The following PHLDB2 variants were observed in gnomAD, a reference collection of about 807,000 sequenced individuals.
PHLDB2 encodes pleckstrin homology-like domain family B member 2.
Under a neutral mutation model 123.6 loss-of-function variants are expected in PHLDB2, and 71 were observed. The observed-to-expected ratio is 0.57, with a 90% confidence interval of 0.47 to 0.70. The LOEUF (loss-of-function observed/expected upper bound fraction) is 0.70. Ranked by LOEUF, PHLDB2 falls within the 30% of genes least tolerant of loss-of-function variation. The pLI is 0.00. For synonymous variants in PHLDB2, 547 were observed against 541.6 expected, an observed-to-expected ratio of 1.01 and a Z score of -0.14; for missense variants, 1,446 against 1,519.5, an observed-to-expected ratio of 0.95 and a Z score of 0.80.
rs2066072875 is a variant in PHLDB2 at position 111,884,357 on chromosome 3, T to G, written c.280T>G (p.Phe94Val). ...AGCCAAAATCCAGGGAAGCAAGCAG[T>G]TCTCTTATGATGGAACTGACAAAAA... ...SLAKIQGSKQFSYDGTDKNIP... is the reference protein window; with the variant it reads ...SLAKIQGSKQVSYDGTDKNIP... The change falls in exon 2 of 18, where the codon TTC becomes GTC. Residue 94 changes from phenylalanine (F) to valine (V), a missense_variant. Physicochemically the swap from Phe to Val is conservative, Grantham distance 50 (BLOSUM62 -1). Transcript: ENST00000431670. The G allele has an allele frequency of 6.2e-7, 1 of 1,614,072 alleles. No homozygotes were observed. The highest frequency in any genetic ancestry group is 8.5e-7 in the Non-Finnish European group (1 of 1,180,006).
At chr3:111,734,700 G>T (rs1941626428) in intron 1 of PHLDB2, among the ~76,000 whole-genome samples, 1 of 152,116 alleles carries the variant, frequency 6.6e-6, no homozygotes, top group Admixed American at 6.5e-5. Context: ...TAATTAATTT[G>T]CCCAAAATCA....
At chr3:111,753,067 G>C (rs1328238586) in intron 1 of PHLDB2, among the ~76,000 whole-genome samples, 1 of 152,072 alleles carries the variant, frequency 6.6e-6, no homozygotes, top group Non-Finnish European at 1.5e-5. Flanking sequence ...ATTTGGGTTG[G>C]TTCCAAGTCT....
chr3:111,746,924 C>A (rs539593852), intron 1 of PHLDB2, among the ~76,000 whole-genome samples: 2 of 152,270 alleles, frequency 1.3e-5, no homozygotes, highest in South Asian at 4.1e-4. Context: ...CTTCTCATCA[C>A]CACCATATGA....
Position 111,960,825 on chromosome 3 carries a change from C to T in PHLDB2, c.2873-1283C>T, listed in dbSNP as rs543552707. ...TCTCTTATCAGGGAGAAAGAGATTA[C>T]AAACTCTAGTACTGGCTAGAGAAAA... On this transcript the variant is annotated intron_variant, in intron 12 of 17. Transcript: ENST00000431670. Among the ~76,000 whole-genome samples the T allele has an allele frequency of 2.9e-4, 44 of 152,296 alleles. No individual in the cohort carries two copies. The South Asian group carries it at 4.3e-3, about 15-fold the overall frequency.
Position 111,973,776 on chromosome 3 carries a change from A to G in PHLDB2, c.3580A>G (p.Ile1194Val), listed in dbSNP as rs1328830998. 9.4e-6 allele frequency: 15 copies of G among 1,603,748 alleles called. No homozygotes were observed. Among genetic ancestry groups the G allele is most frequent in the Non-Finnish European group, 1.3e-5 (15 of 1,173,034 alleles). The change falls in exon 17 of 18, where the codon ATT becomes GTT. Residue 1194 changes from isoleucine (I) to valine (V), a missense_variant. By Grantham distance (29) the Ile-to-Val change is conservative (BLOSUM62 3). This residue lies in a region of PHLDB2 where 594 missense variants were observed against 646.0 expected (regional missense o/e 0.92). Coordinates refer to ENST00000431670, the MANE Select transcript of PHLDB2 (RefSeq NM_001134438.2). ...GAAAGGAGTAATATACTTTCAAGCC[A>G]TTGAAGAAGTCTATTATGATCACCT... ...KLKGVIYFQA[I>V]EEVYYDHLKN...
At chr3:111,801,285 C>T (rs1402603294) in intron 1 of PHLDB2, among the ~76,000 whole-genome samples, 1 of 152,134 alleles carries the variant, frequency 6.6e-6, no homozygotes, top group Non-Finnish European at 1.5e-5. Flanking sequence ...TGAAATAACC[C>T]ACAGTCCTGG....
chr3:111,793,313 A>G (rs1396094746), intron 1 of PHLDB2, among the ~76,000 whole-genome samples: 1 of 152,012 alleles, frequency 6.6e-6, no homozygotes, highest in Non-Finnish European at 1.5e-5. Context: ...CATGGCCACC[A>G]CTGCCCCAGG....
intron 1 of PHLDB2, among the ~76,000 whole-genome samples, chr3:111,831,922 G>A (rs1388719617): frequency 6.6e-6 from 1 of 152,080 alleles, no homozygotes; most frequent in Non-Finnish European, 1.5e-5. Context: ...GTCCTAAGCT[G>A]GCCTTTAGGG....
intron 5 of PHLDB2, among the ~76,000 whole-genome samples, chr3:111,930,194 A>G (rs1366351352): frequency 6.6e-6 from 1 of 151,978 alleles, no homozygotes; most frequent in Admixed American, 6.6e-5. Flanking sequence ...TACAGGCATG[A>G]AAGATTTTTT....
At chr3:111,799,712 A>G (rs1333469013) in intron 1 of PHLDB2, among the ~76,000 whole-genome samples, 1 of 152,304 alleles carries the variant, frequency 6.6e-6, no homozygotes, top group African/African-American at 2.4e-5. Context: ...ATATCTTCCT[A>G]TGTGAAGATA....
chr3:111,788,147 G>C (rs1301065699), intron 1 of PHLDB2, among the ~76,000 whole-genome samples: 1 of 152,144 alleles, frequency 6.6e-6, no homozygotes, highest in East Asian at 1.9e-4. Context: ...AGCCCTAAAT[G>C]TGCTTAAAGG....
intron 6 of PHLDB2, among the ~76,000 whole-genome samples, chr3:111,934,259 C>T (rs1307869843): frequency 6.6e-6 from 1 of 152,106 alleles, no homozygotes. Flanking sequence ...CAGTATAACT[C>T]TTCACCAATG....
intron 2 of PHLDB2, among the ~76,000 whole-genome samples, chr3:111,893,092 C>CTG (rs1553746091): frequency 1.4e-5 from 2 of 146,330 alleles, no homozygotes; most frequent in African/African-American, 5.1e-5. Flanking sequence ...TGAGTCCTGA[C>CTG]CACCCCCCCA....
intron 2 of PHLDB2, among the ~76,000 whole-genome samples, chr3:111,895,873 C>CCATCTAGCT (rs1553746643): frequency 1.0e-4 from 15 of 148,604 alleles, no homozygotes; most frequent in African/African-American, 3.5e-4. Flanking sequence ...TCTATCTATC[C>CCATCTAGCT]ATCTATCTAT....
intron 2 of PHLDB2, among the ~76,000 whole-genome samples, chr3:111,888,639 G>A (rs910156640): frequency 6.6e-6 from 1 of 152,138 alleles, no homozygotes; most frequent in South Asian, 2.1e-4. Context: ...GATTAGTACT[G>A]CCTTTTACAA....
At chr3:111,881,080 G>A (rs1283009) in intron 1 of PHLDB2, among the ~76,000 whole-genome samples, 2,849 of 152,232 alleles carry the variant, frequency 0.019, 90 homozygotes, top group African/African-American at 0.064. Context: ...CTTAAAATGT[G>A]CATTTTCACT....
chr3:111,844,219 T>A (rs1223211933), intron 1 of PHLDB2, among the ~76,000 whole-genome samples: 1 of 152,158 alleles, frequency 6.6e-6, no homozygotes, highest in African/African-American at 2.4e-5. Flanking sequence ...CAGTTTGCCT[T>A]GCTCCCTCCC....
chr3:111,913,706 A>G lies in PHLDB2; in HGVS notation c.1719+4A>G. On this transcript the variant is annotated splice_donor_region_variant and intron_variant, in intron 3 of 17. Coordinates refer to ENST00000431670, the MANE Select transcript of PHLDB2 (RefSeq NM_001134438.2). The stretch of plus-strand genomic sequence containing the variant: ...TTATCTAAGTATCCTACCAAAGGTA[A>G]TGTTGGCCCAGCAAAGATACTAGGA... The G allele has an allele frequency of 6.2e-7, 1 of 1,606,712 alleles. No homozygotes were observed. The highest frequency in any genetic ancestry group is 8.5e-7 in the Non-Finnish European group (1 of 1,174,662).
At chr3:111,763,664 T>G (rs2060031983) in intron 1 of PHLDB2, among the ~76,000 whole-genome samples, 1 of 152,090 alleles carries the variant, frequency 6.6e-6, no homozygotes, top group Non-Finnish European at 1.5e-5. Flanking sequence ...AGATCCTAGG[T>G]GATGGTATTA....
Sources: allele counts gnomAD v4.1 joint callset (sites outside exome capture counted in the v4.1 genomes callset), GRCh38; gene constraint gnomAD v4.1.1; regional missense constraint gnomAD v4.1.1; transcripts MANE v1.5; gene names NCBI Gene and HGNC (gene_info 2026-07-23, HGNC 2026-07-21).